The following DIP2C variants were observed in gnomAD, a reference collection of about 807,000 sequenced individuals.
DIP2C encodes the protein disco-interacting protein 2 homolog C.
A neutral mutation model predicts 192.4 loss-of-function variants in DIP2C; 33 were observed. The observed-to-expected ratio is 0.17, with a 90% CI of 0.13 to 0.23. DIP2C has a LOEUF of 0.23. Ranked by LOEUF, DIP2C falls within the 10% of genes least tolerant of loss-of-function variation. The probability of loss-of-function intolerance (pLI) is 1.00; values close to 1 mark genes in which losing one functional copy is unlikely to be tolerated. For synonymous variants in DIP2C, 979 were observed against 864.1 expected (o/e 1.13, Z -2.33); for missense variants, 1,537 against 2,110.1 (o/e 0.73, Z 5.32).
intron 17 of DIP2C, among the ~76,000 whole-genome samples, chr10:375,689 C>G (rs1961483643): frequency 1.3e-5 from 2 of 152,132 alleles, no homozygotes; most frequent in South Asian, 4.1e-4. Flanking sequence ...GTTTGCTACT[C>G]CTGACCACAA....
intron 1 of DIP2C, among the ~76,000 whole-genome samples, chr10:617,810 G>T (rs1398189094): frequency 6.6e-6 from 1 of 151,884 alleles, no homozygotes; most frequent in Non-Finnish European, 1.5e-5. Context: ...TCCAGGCTCT[G>T]GTGGGTAACC....
chr10:655,974 A>G (rs1856276253), intron 1 of DIP2C, among the ~76,000 whole-genome samples: 1 of 151,790 alleles, frequency 6.6e-6, no homozygotes, highest in Admixed American at 6.6e-5. Context: ...ACGCTATACT[A>G]TTTGTCCTAT....
intron 1 of DIP2C, among the ~76,000 whole-genome samples, chr10:535,593 C>T (rs951312690): frequency 1.4e-4 from 22 of 152,214 alleles, no homozygotes; most frequent in African/African-American, 3.1e-4. Context: ...GCGAAACACA[C>T]GAGATTCAGT....
intron 22 of DIP2C, among the ~76,000 whole-genome samples, chr10:358,855 G>A (rs1204404799): frequency 6.8e-6 from 1 of 146,924 alleles, no homozygotes; most frequent in African/African-American, 2.5e-5. Flanking sequence ...AGGGGGAGGA[G>A]CAGAGGAAGC....
chr10:397,819 G>A (rs1964116629), intron 10 of DIP2C, among the ~76,000 whole-genome samples: 1 of 151,830 alleles, frequency 6.6e-6, no homozygotes, highest in African/African-American at 2.4e-5. Context: ...TCAACCAACT[G>A]AAGAGACCTC....
At chr10:494,597 T>C (rs554357635) in intron 1 of DIP2C, among the ~76,000 whole-genome samples, 11 of 151,984 alleles carry the variant, frequency 7.2e-5, no homozygotes, top group Admixed American at 7.2e-4. Flanking sequence ...AAAGCAAAGC[T>C]CAGAGAGAGG....
In DIP2C at chr10:382,707, C is replaced by A. The variant is rs1454127875; in HGVS notation, c.1931G>T (p.Arg644Leu). Residue 644 changes from arginine (R) to leucine (L), a missense_variant, in exon 17 of 37, where the codon CGA becomes CTA. Arg to Leu is a moderately radical substitution (Grantham distance 102). This residue lies in a region of DIP2C where 677 missense variants were observed against 989.9 expected (regional missense o/e 0.68). Coordinates refer to ENST00000280886, the MANE Select transcript of DIP2C (RefSeq NM_014974.3). ...FLNVFQSKGL[R>L]QEVICPCASS... ...GGCACAAGGACAGATGACCTCCTGT[C>A]GAAGGCCTTTACTTTGGAAGACATT... is the stretch of plus-strand genomic sequence containing the variant. 1 of 1,613,854 alleles carries A rather than the reference C, an allele frequency of 6.2e-7. No individual in the cohort carries two copies. Among genetic ancestry groups the A allele is most frequent in the Non-Finnish European group, 8.5e-7 (1 of 1,179,922 alleles).
intron 3 of DIP2C, among the ~76,000 whole-genome samples, chr10:447,985 TCA>T (rs1968433660): frequency 8.4e-6 from 1 of 119,578 alleles, no homozygotes; most frequent in African/African-American, 4.0e-5. Context: ...ATATTCAGGA[TCA>T]CACACAGTGG....
intron 1 of DIP2C, among the ~76,000 whole-genome samples, chr10:502,646 A>C (rs903235342): frequency 6.6e-6 from 1 of 152,216 alleles, no homozygotes; most frequent in Non-Finnish European, 1.5e-5. Context: ...AGTTCAGCCA[A>C]GTCACAGCAC....
At chr10:408,365 T>A (rs1427235811) in intron 9 of DIP2C, among the ~76,000 whole-genome samples, 1 of 152,194 alleles carries the variant, frequency 6.6e-6, no homozygotes, top group African/African-American at 2.4e-5. Flanking sequence ...AATTTTACGA[T>A]CAGGAAATAT....
At chr10:439,544 G>T (rs536536415) in intron 4 of DIP2C, among the ~76,000 whole-genome samples, 1 of 152,170 alleles carries the variant, frequency 6.6e-6, no homozygotes, top group Non-Finnish European at 1.5e-5. Flanking sequence ...CTGAGCCCAG[G>T]TGGTCACGGC....
rs74115023 is a variant in DIP2C at position 503,922 on chromosome 10, C to G, written c.86-17392G>C. Among the ~76,000 whole-genome samples the G allele has an allele frequency of 6.2e-3, 939 of 152,332 alleles. 11 individuals are homozygous for G. Among genetic ancestry groups the G allele is most frequent in the African/African-American group, 0.022 (894 of 41,576 alleles). On this transcript the variant is annotated intron_variant, in intron 1 of 36. Coordinates refer to ENST00000280886, the MANE Select transcript of DIP2C (RefSeq NM_014974.3). ...AATTTACAACCATTGATTTCAATTCCAAGTCCAAAGACTCATTTCCACAGT... is the reference window on the plus strand; with the variant it reads ...AATTTACAACCATTGATTTCAATTCGAAGTCCAAAGACTCATTTCCACAGT...
At chr10:485,258 T>C (rs1241623198) in intron 2 of DIP2C, among the ~76,000 whole-genome samples, 1 of 152,218 alleles carries the variant, frequency 6.6e-6, no homozygotes. Flanking sequence ...TGAGGGCACC[T>C]GCAGAGGGGA....
At chr10:457,502 A>T (rs1014110749) in intron 3 of DIP2C, among the ~76,000 whole-genome samples, 1 of 152,210 alleles carries the variant, frequency 6.6e-6, no homozygotes, top group Non-Finnish European at 1.5e-5. Context: ...TGCTACATTG[A>T]TATGTCCAAA....
chr10:547,278 C>T (rs1218761202), intron 1 of DIP2C, among the ~76,000 whole-genome samples: 2 of 152,212 alleles, frequency 1.3e-5, no homozygotes, highest in Admixed American at 6.5e-5. Context: ...GCTCCTGCAG[C>T]TCCAGCCTAC....
rs529579166 is a variant in DIP2C, at chr10:364,958, T to A, written c.2269-376A>T. ...GAGTCAAGGTACATTTTAAACAACG[T>A]CTGTTAGTTTTAAAGTAATCTCTCT... On this transcript the variant is annotated intron_variant, in intron 19 of 36. Coordinates refer to ENST00000280886, the MANE Select transcript of DIP2C (RefSeq NM_014974.3). The A allele has an allele frequency of 2.0e-4, 107 of 533,966 alleles. 1 individual carries two copies. In the East Asian group the frequency reaches 5.2e-3, roughly 26 times the overall value. The allele number at this position is 533,966 out of a possible 1,614,324, so 33.1% of individuals were successfully genotyped here. A position where few individuals can be genotyped will look rare whatever the true frequency, so the allele number is the denominator to read the frequency against.
At chr10:658,453 A>C (rs1856548639) in intron 1 of DIP2C, among the ~76,000 whole-genome samples, 1 of 152,212 alleles carries the variant, frequency 6.6e-6, no homozygotes, top group African/African-American at 2.4e-5. Flanking sequence ...CTTTATGGAG[A>C]GAAAAGTACA....
At chr10:336,033 G>A (rs1203472168) in intron 29 of DIP2C, among the ~76,000 whole-genome samples, 1 of 152,146 alleles carries the variant, frequency 6.6e-6, no homozygotes, top group East Asian at 1.9e-4. Flanking sequence ...AAGTAGTTGG[G>A]ACCACAGGCG....
chr10:472,293 G>A (rs965411034), intron 3 of DIP2C, 146 bp downstream of exon 3: 4 of 617,582 alleles, frequency 6.5e-6, no homozygotes, highest in South Asian at 4.3e-5. Flanking sequence ...CTCCCGAGAG[G>A]GTGTGTCCGT....
Sources: allele counts gnomAD v4.1 joint callset (sites outside exome capture counted in the v4.1 genomes callset), GRCh38; gene constraint gnomAD v4.1.1; regional missense constraint gnomAD v4.1.1; transcripts MANE v1.5; gene names NCBI Gene and HGNC (gene_info 2026-07-23, HGNC 2026-07-21).